Variants in GALNT13 observed in about 807,000 individuals in gnomAD.
GALNT13 encodes UDP-GalNAc:polypeptide N-acetylgalactosaminyltransferase 13.
In GALNT13, 28 loss-of-function variants were observed where a neutral mutation model predicts 64.2. The ratio of observed to expected loss-of-function variants is 0.44; its 90% CI spans 0.32 to 0.60. The LOEUF (loss-of-function observed/expected upper bound fraction) is 0.60. Among genes scored for constraint, GALNT13 ranks in the 20% least tolerant of loss-of-function variants. The probability of loss-of-function intolerance (pLI) is 0.05; values close to 1 mark genes in which losing one functional copy is unlikely to be tolerated. For synonymous variants in GALNT13, 214 were observed against 224.6 expected (o/e 0.95, Z 0.42); for missense variants, 577 against 669.8 (o/e 0.86, Z 1.53).
chr2:153,249,121 C>A, the GALNT13 span, among the ~76,000 whole-genome samples: 1 of 152,276 alleles, frequency 6.6e-6, no homozygotes, highest in Admixed American at 6.5e-5. Flanking sequence ...AATTCCATAT[C>A]TAGAAAACCC....
chr2:153,666,351 AAGC>A, the GALNT13 span, among the ~76,000 whole-genome samples: 1,529 of 152,170 alleles, frequency 0.01, 8 homozygotes, highest in Admixed American at 0.016. Context: ...AACAGCATGC[AAGC>A]ACCAATCCCA....
chr2:153,955,069 C>G (rs553395389), intron 3 of GALNT13, among the ~76,000 whole-genome samples: 1 of 152,020 alleles, frequency 6.6e-6, no homozygotes, highest in Non-Finnish European at 1.5e-5. Context: ...TTTAGACTAG[C>G]AATTTTGCAT....
the GALNT13 span, among the ~76,000 whole-genome samples, chr2:153,085,215 C>T: frequency 3.3e-5 from 5 of 152,120 alleles, 1 homozygote; most frequent in African/African-American, 4.8e-5. Flanking sequence ...TTAAGCAGAG[C>T]GTAAAAGTTT....
the GALNT13 span, among the ~76,000 whole-genome samples, chr2:153,664,635 T>A: frequency 6.6e-6 from 1 of 152,174 alleles, no homozygotes; most frequent in African/African-American, 2.4e-5. Context: ...GTCCATGAAA[T>A]CTTCATAATT....
the GALNT13 span, among the ~76,000 whole-genome samples, chr2:153,137,430 C>T: frequency 6.6e-6 from 1 of 152,016 alleles, no homozygotes; most frequent in Admixed American, 6.6e-5. Flanking sequence ...CCAGGTCTGT[C>T]CTCAAGTGAA....
intron 3 of GALNT13, among the ~76,000 whole-genome samples, chr2:153,978,385 A>G (rs1694217164): frequency 6.6e-6 from 1 of 152,014 alleles, no homozygotes; most frequent in African/African-American, 2.4e-5. Context: ...GACCTTTGTC[A>G]AGTATCATAG....
At chr2:153,656,058 C>T in the GALNT13 span, among the ~76,000 whole-genome samples, 24 of 152,100 alleles carry the variant, frequency 1.6e-4, no homozygotes, top group Non-Finnish European at 3.1e-4. Flanking sequence ...GGTATGTCTC[C>T]GTAATTAAAC....
At chr2:153,773,216 A>G in the GALNT13 span, among the ~76,000 whole-genome samples, 2 of 152,196 alleles carry the variant, frequency 1.3e-5, no homozygotes, top group African/African-American at 4.8e-5. Context: ...ACTGCTTGGG[A>G]TGGATGGGAC....
chr2:154,020,969 A>G (rs929557694), intron 3 of GALNT13, among the ~76,000 whole-genome samples: 5 of 152,218 alleles, frequency 3.3e-5, no homozygotes, highest in East Asian at 1.9e-4. Flanking sequence ...TCCTTTCCCC[A>G]TTGCTTGTTT....
intron 12 of GALNT13, chr2:154,446,701 G>C (rs1162835304): frequency 1.3e-6 from 2 of 1,547,244 alleles, no homozygotes; most frequent in Non-Finnish European, 1.7e-6. Context: ...AACTATACAA[G>C]AATGGAAATT....
the GALNT13 span, among the ~76,000 whole-genome samples, chr2:153,841,226 G>T: frequency 6.6e-6 from 1 of 151,962 alleles, no homozygotes; most frequent in East Asian, 1.9e-4. Flanking sequence ...TGAACTTCAT[G>T]TTATTCCTCT....
intron 1 of GALNT13, among the ~76,000 whole-genome samples, chr2:153,897,375 C>G (rs1380973530): frequency 6.6e-6 from 1 of 151,950 alleles, no homozygotes; most frequent in East Asian, 1.9e-4. Context: ...CTGAATGTTT[C>G]CTAATGGTTA....
chr2:153,548,299 C>G, the GALNT13 span, among the ~76,000 whole-genome samples: 199 of 152,218 alleles, frequency 1.3e-3, 1 homozygote, highest in African/African-American at 4.6e-3. Context: ...AAACACCATG[C>G]TTTGACAATA....
chr2:153,573,303 C>T, the GALNT13 span, among the ~76,000 whole-genome samples: 3 of 151,760 alleles, frequency 2.0e-5, no homozygotes, highest in East Asian at 5.8e-4. Flanking sequence ...ATATCTTTTT[C>T]CATTTATTTA....
the GALNT13 span, among the ~76,000 whole-genome samples, chr2:153,590,607 C>G: frequency 2.0e-5 from 3 of 152,090 alleles, no homozygotes; most frequent in African/African-American, 7.2e-5. Context: ...CCAAATTCAA[C>G]AAAACATTTT....
chr2:153,693,912 A>C, the GALNT13 span, among the ~76,000 whole-genome samples: 1 of 152,070 alleles, frequency 6.6e-6, no homozygotes, highest in Non-Finnish European at 1.5e-5. Context: ...CAGGAGATCA[A>C]GACCATCCTG....
chr2:153,787,345 T>C, the GALNT13 span, among the ~76,000 whole-genome samples: 2 of 152,148 alleles, frequency 1.3e-5, no homozygotes, highest in South Asian at 2.1e-4. Context: ...ACTACCTCAC[T>C]AGCATAACCC....
At chr2:153,400,676 T>G in the GALNT13 span, among the ~76,000 whole-genome samples, 11 of 152,214 alleles carry the variant, frequency 7.2e-5, no homozygotes, top group African/African-American at 2.4e-4. Flanking sequence ...GTCGAGGAAT[T>G]TATCCATTTC....
intron 4 of GALNT13, among the ~76,000 whole-genome samples, chr2:154,144,302 C>G (rs779659028): frequency 6.6e-6 from 1 of 151,998 alleles, no homozygotes. Flanking sequence ...AGTCACATAT[C>G]CAAACTGTTA....
Sources: gnomAD v4.1 joint callset for allele counts (sites outside exome capture counted in the v4.1 genomes callset) on GRCh38, gnomAD v4.1.1 for gene constraint, MANE v1.5 for transcripts, NCBI Gene and HGNC (gene_info 2026-07-23, HGNC 2026-07-21) for gene names.